CD200R1: variants seen among roughly 807,000 people sequenced by gnomAD.
CD200R1 encodes the protein CD200 receptor 1.
In CD200R1, 30 loss-of-function variants were observed where a neutral mutation model predicts 38.1. The ratio of observed to expected loss-of-function variants is 0.79; its 90% confidence interval spans 0.59 to 1.07. The LOEUF is 1.07. CD200R1 is among the 50% of genes least tolerant of loss of function. CD200R1 has a pLI of 0.00. For missense variants in CD200R1, 372 were observed against 415.4 expected (o/e 0.90, Z 0.91); for synonymous variants, 128 against 152.1 (o/e 0.84, Z 1.16).
chr3:112,949,838 G>A (rs1266965582), intron 1 of CD200R1, among the ~76,000 whole-genome samples: 4 of 152,306 alleles, frequency 2.6e-5, no homozygotes, highest in African/African-American at 7.2e-5. Context: ...AGATCTGAAC[G>A]GGAATAGTTA....
rs536371523 is a variant in CD200R1, at chr3:112,951,723, T to G, written c.68-3799A>C. 4.2e-4 allele frequency among the ~76,000 whole-genome samples: 63 copies of G among 151,276 alleles called. 1 individual carries two copies. Among genetic ancestry groups the G allele is most frequent in the African/African-American group, 1.4e-3 (59 of 41,448 alleles). Reference sequence around the variant, plus strand: ...AATACTAATAATATTTTAAAACAATTACATTTTTCTATACTAGCACAAACA... The same window carrying G: ...AATACTAATAATATTTTAAAACAATGACATTTTTCTATACTAGCACAAACA... On this transcript the variant is annotated intron_variant, in intron 1 of 7. Coordinates refer to ENST00000308611, the MANE Select transcript of CD200R1 (RefSeq NM_138806.4).
chr3:112,928,724 C>A, intron 5 of CD200R1, 92 bp downstream of exon 5: 3 of 1,020,542 alleles, frequency 2.9e-6, no homozygotes, highest in Non-Finnish European at 4.2e-6. Context: ...GGAGAGCATC[C>A]TCGAACAAAA....
chr3:112,959,337 C>T (rs1932960011), intron 1 of CD200R1, among the ~76,000 whole-genome samples: 1 of 152,110 alleles, frequency 6.6e-6, no homozygotes. Context: ...GATAAATGAA[C>T]TTCAAACTGA....
chr3:112,971,381 T>C (rs1933305822), intron 1 of CD200R1, among the ~76,000 whole-genome samples: 1 of 152,174 alleles, frequency 6.6e-6, no homozygotes, highest in Non-Finnish European at 1.5e-5. Context: ...AGGGATGCAA[T>C]ACAGAGGGCT....
chr3:112,931,484 C>T (rs748594930), intron 2 of CD200R1, among the ~76,000 whole-genome samples: 3 of 152,194 alleles, frequency 2.0e-5, no homozygotes, highest in African/African-American at 7.2e-5. Context: ...GATTGGTCTA[C>T]GTGAGCATCT....
At chr3:112,967,351 CCTCAA>C (rs143111492) in intron 1 of CD200R1, among the ~76,000 whole-genome samples, 7,436 of 152,146 alleles carry the variant, frequency 0.049, 263 homozygotes, top group African/African-American at 0.097. Context: ...AATGTTTATC[CCTCAA>C]CTCTTCTTAC....
intron 1 of CD200R1, among the ~76,000 whole-genome samples, chr3:112,973,110 T>C (rs1055262647): frequency 5.9e-5 from 9 of 152,358 alleles, no homozygotes; most frequent in East Asian, 5.8e-4. Context: ...ACCTTTAAAA[T>C]TGAAAATTAC....
rs9826308 is a variant in CD200R1 at position 112,928,985 on chromosome 3, A to T, written c.600T>A (p.His200Gln). The T allele has an allele frequency of 6.2e-7, 1 of 1,613,476 alleles. No individual in the cohort carries two copies. Among genetic ancestry groups the T allele is most frequent in the Non-Finnish European group, 8.5e-7 (1 of 1,179,824 alleles). The change falls in exon 5 of 8, where the codon CAT (histidine) becomes CAA (glutamine). Residue 200 changes from histidine (H) to glutamine (Q), a missense_variant. Coordinates refer to ENST00000308611, the MANE Select transcript of CD200R1 (RefSeq NM_138806.4). ...CKAVAGKPAA[H>Q]ISWIPEGDCA... Reference sequence around the variant, plus strand: ...AATCGCCCTCTGGGATCCAGGAGATATGCGCAGCTGGCTTCCCTGCAACTG... The same window carrying T: ...AATCGCCCTCTGGGATCCAGGAGATTTGCGCAGCTGGCTTCCCTGCAACTG...
At chr3:112,924,837 T>G (rs1187495414) in intron 6 of CD200R1, among the ~76,000 whole-genome samples, 2 of 152,072 alleles carry the variant, frequency 1.3e-5, no homozygotes, top group African/African-American at 4.8e-5. Flanking sequence ...ATGTGAAAAT[T>G]AACATGCACT....
Position 112,928,879 on chromosome 3 carries a change from T to G in CD200R1, c.706A>C (p.Thr236Pro), listed in dbSNP as rs773487333. The G allele has an allele frequency of 7.4e-6, 12 of 1,613,906 alleles. No individual in the cohort carries two copies. Among genetic ancestry groups the G allele is most frequent in the Non-Finnish European group, 1.0e-5 (12 of 1,179,986 alleles). The change falls in exon 5 of 8, where the codon ACC becomes CCC. Residue 236 changes from threonine to proline, a missense_variant. Transcript: ENST00000308611. Reference protein sequence around the residue: ...TCHWEVHNVSTVTCHVSHLTG... With the variant: ...TCHWEVHNVSPVTCHVSHLTG... ...AAATGGGAGACGTGGCAGGTCACGGTAGACACATTGTGGACCTCCCAGTGG... is the reference window on the plus strand; with the variant it reads ...AAATGGGAGACGTGGCAGGTCACGGGAGACACATTGTGGACCTCCCAGTGG...
At chr3:112,956,464 C>T (rs1351021489) in intron 1 of CD200R1, among the ~76,000 whole-genome samples, 1 of 151,982 alleles carries the variant, frequency 6.6e-6, no homozygotes, top group African/African-American at 2.4e-5. Flanking sequence ...TGCTGAGCTT[C>T]CTTAAAAAGT....
intron 1 of CD200R1, among the ~76,000 whole-genome samples, chr3:112,964,642 C>T (rs531204946): frequency 6.6e-6 from 1 of 152,328 alleles, no homozygotes; most frequent in African/African-American, 2.4e-5. Context: ...TTTGATTTTA[C>T]AGGCTCATAG....
At chr3:112,973,505 C>T (rs1933360635) in intron 1 of CD200R1, among the ~76,000 whole-genome samples, 1 of 152,158 alleles carries the variant, frequency 6.6e-6, no homozygotes, top group Non-Finnish European at 1.5e-5. Context: ...CCTCTCTACG[C>T]CTCCATTTCT....
At chr3:112,956,406 A>T (rs1941101283) in intron 1 of CD200R1, among the ~76,000 whole-genome samples, 1 of 151,370 alleles carries the variant, frequency 6.6e-6, no homozygotes, top group Non-Finnish European at 1.5e-5. Context: ...TGGCCACTTA[A>T]TATTTTCCTA....
chr3:112,934,099 GGAGA>G (rs142225648), intron 2 of CD200R1, among the ~76,000 whole-genome samples: 3 of 151,876 alleles, frequency 2.0e-5, no homozygotes, highest in South Asian at 4.2e-4. Flanking sequence ...CCAAGTTTTG[GGAGA>G]GAGAGAGAGA....
At chr3:112,925,057 G>A (rs1446038274) in intron 6 of CD200R1, 28 bp downstream of exon 6, 2 of 1,317,094 alleles carry the variant, frequency 1.5e-6, no homozygotes, top group Non-Finnish European at 2.2e-6. Context: ...TAAAGCTGAA[G>A]AAGAAAAAAA....
intron 1 of CD200R1, among the ~76,000 whole-genome samples, chr3:112,955,848 G>A (rs1272304789): frequency 1.3e-5 from 2 of 150,602 alleles, no homozygotes; most frequent in Admixed American, 6.6e-5. Context: ...GGCCCATAAG[G>A]TTTCGGCTGA....
chr3:112,925,033 C>G (rs952140512), intron 6 of CD200R1, 52 bp downstream of exon 6: 1 of 1,081,448 alleles, frequency 9.2e-7, no homozygotes, highest in Non-Finnish European at 1.4e-6. Context: ...ATTTCTGACT[C>G]TTTTCTAGCC....
At chr3:112,937,347 G>C (rs1940608429) in intron 2 of CD200R1, among the ~76,000 whole-genome samples, 1 of 152,082 alleles carries the variant, frequency 6.6e-6, no homozygotes, top group South Asian at 2.1e-4. Flanking sequence ...TTCAAGATGA[G>C]ATTTGGGTGG....
Sources: gnomAD v4.1 joint callset for allele counts (sites outside exome capture counted in the v4.1 genomes callset) on GRCh38, gnomAD v4.1.1 for gene constraint, MANE v1.5 for transcripts, NCBI Gene and HGNC (gene_info 2026-07-23, HGNC 2026-07-21) for gene names.